The following CHAF1A variants were observed in gnomAD, a reference collection of about 807,000 sequenced individuals.
CHAF1A encodes the protein CAF-1 subunit A.
CHAF1A carries 5 observed loss-of-function variants against 93.2 expected under a neutral mutation model. The ratio of observed to expected loss-of-function variants is 0.05; its 90% CI spans 0.03 to 0.11. CHAF1A has a LOEUF of 0.11. CHAF1A is among the 10% of genes least tolerant of loss of function. CHAF1A has a pLI of 1.00. For missense variants in CHAF1A, 1,102 were observed against 1,259.9 expected, an observed-to-expected ratio of 0.87 and a Z score of 1.90; for synonymous variants, 504 against 510.3, an observed-to-expected ratio of 0.99 and a Z score of 0.17.
chr19:4,446,392 C>T (rs775376246), downstream of CHAF1A: 47 of 1,578,274 alleles, frequency 3.0e-5, no homozygotes, highest in Middle Eastern at 1.7e-4. Flanking sequence ...GCAGCACGCT[C>T]AGCCGCTCCA....
rs572204544 is a variant in CHAF1A at position 4,412,372 on chromosome 19, G to A, written c.960+2613G>A. On this transcript the variant is annotated intron_variant, in intron 3 of 14. Transcript: ENST00000301280. ...AGGCTGACCATTATGGAGAAACCCC[G>A]TCTCTACTAAAAATACAGAAAATTA... 3.3e-5 allele frequency among the ~76,000 whole-genome samples: 5 copies of A among 152,264 alleles called. No individual in the cohort carries two copies. The East Asian group carries it at 5.8e-4, about 18-fold the overall frequency.
chr19:4,413,069 T>G (rs764810448), intron 3 of CHAF1A, among the ~76,000 whole-genome samples: 1 of 151,202 alleles, frequency 6.6e-6, no homozygotes, highest in Non-Finnish European at 1.5e-5. Flanking sequence ...TACCTAACTC[T>G]TTTTTATTTT....
In CHAF1A at chr19:4,432,215, T is replaced by A. The variant is rs1974197654; in HGVS notation, c.2203+8T>A. On this transcript the variant is annotated splice_region_variant and intron_variant, in intron 12 of 14. Transcript: ENST00000301280. ...AGAGGAGAGACGAGCAGAGTGAGTG[T>A]GGGCGGGGCCAGGCCACCCACCTGT... 1 of 1,594,104 alleles carries A rather than the reference T, an allele frequency of 6.3e-7. No individual in the cohort carries two copies. The highest frequency in any genetic ancestry group is 1.3e-5 in the African/African-American group (1 of 74,586).
At position 4,409,137 on chromosome 19, in the gene CHAF1A, G is replaced by A; in HGVS notation, c.338G>A (p.Ser113Asn). The part of the protein sequence containing the change: ...RNRIETSIGQ[S>N]TVIIDLTEDS... ...AGAATCGAAACCAGTATTGGCCAGA[G>A]CACAGTCATCATTGATTTGACAGAG... The change falls in exon 3 of 15, where the codon AGC (serine) becomes AAC (asparagine). Residue 113 changes from serine to asparagine, a missense_variant. Around this residue, in one of 6 missense-constraint regions of CHAF1A, gnomAD observed 379 missense variants for 365.7 expected, o/e 1.04. Transcript: ENST00000301280. The A allele has an allele frequency of 6.2e-7, 1 of 1,614,180 alleles. No individual in the cohort carries two copies. Among genetic ancestry groups the A allele is most frequent in the Non-Finnish European group, 8.5e-7 (1 of 1,180,042 alleles).
At chr19:4,441,935 G>C (rs776183143) in intron 13 of CHAF1A, among the ~76,000 whole-genome samples, 1 of 152,234 alleles carries the variant, frequency 6.6e-6, no homozygotes, top group Admixed American at 6.5e-5. Flanking sequence ...GTTGTAATCT[G>C]ATGGGGCCAC....
intron 8 of CHAF1A, 110 bp from the exon 9 acceptor site, chr19:4,429,328 A>G: frequency 7.9e-7 from 1 of 1,262,448 alleles, no homozygotes; most frequent in Non-Finnish European, 1.1e-6. Context: ...TTTTTAACAA[A>G]TGCCCATCTT....
At chr19:4,439,421 G>T (rs1157950222) in intron 13 of CHAF1A, among the ~76,000 whole-genome samples, 1 of 152,220 alleles carries the variant, frequency 6.6e-6, no homozygotes, top group Non-Finnish European at 1.5e-5. Flanking sequence ...CAGTGCTGCT[G>T]GCGAGATGAC....
chr19:4,443,412 C>T, downstream of CHAF1A: 1 of 208,588 alleles, frequency 4.8e-6, no homozygotes, highest in East Asian at 1.5e-4. Flanking sequence ...CTCTGTCTGT[C>T]TTTTCCGAAA....
chr19:4,443,487 G>T, downstream of CHAF1A: 1 of 184,612 alleles, frequency 5.4e-6, no homozygotes, highest in Non-Finnish European at 1.1e-5. Context: ...CTGGTGTCTG[G>T]GGCCAGCCTT....
intron 4 of CHAF1A, among the ~76,000 whole-genome samples, chr19:4,418,459 A>G (rs186107299): frequency 8.3e-5 from 11 of 131,900 alleles, no homozygotes; most frequent in Admixed American, 7.7e-4. Flanking sequence ...TCTGCCACCC[A>G]GGCTGGGGTG....
At chr19:4,417,574 C>T (rs1440291336) in intron 3 of CHAF1A, among the ~76,000 whole-genome samples, 1 of 151,360 alleles carries the variant, frequency 6.6e-6, no homozygotes, top group Admixed American at 6.6e-5. Flanking sequence ...GATTCTTCTG[C>T]CTCAGCCTCC....
chr19:4,445,756 AC>A, downstream of CHAF1A: 1 of 1,415,714 alleles, frequency 7.1e-7, no homozygotes, highest in South Asian at 1.4e-5. Context: ...TGTGGCTCGC[AC>A]CCAGGCCTCC....
At chr19:4,438,460 A>G (rs187297769) in intron 13 of CHAF1A, among the ~76,000 whole-genome samples, 18 of 151,734 alleles carry the variant, frequency 1.2e-4, no homozygotes, top group East Asian at 9.8e-4. Flanking sequence ...CGGCCTCCCA[A>G]AGTACTGGGA....
chr19:4,428,602 G>A (rs573930293), intron 7 of CHAF1A, 62 bp from the exon 8 acceptor site: 102 of 1,406,266 alleles, frequency 7.3e-5, no homozygotes, highest in East Asian at 3.4e-4. Context: ...TGCTGTGTGC[G>A]TCCATGGTGC....
chr19:4,412,551 A>C (rs1221246091), intron 3 of CHAF1A, among the ~76,000 whole-genome samples: 6 of 152,162 alleles, frequency 3.9e-5, no homozygotes, highest in African/African-American at 1.2e-4. Context: ...TCTCAAGAAA[A>C]AAAAAAAGGA....
chr19:4,429,868 C>G, intron 10 of CHAF1A, 80 bp downstream of exon 10: 1 of 1,271,650 alleles, frequency 7.9e-7, no homozygotes, highest in Non-Finnish European at 1.1e-6. Flanking sequence ...GCTAAGGATG[C>G]AGCCCAGCTG....
At chr19:4,419,922 A>G (rs949368451) in intron 4 of CHAF1A, among the ~76,000 whole-genome samples, 1 of 152,048 alleles carries the variant, frequency 6.6e-6, no homozygotes, top group Non-Finnish European at 1.5e-5. Flanking sequence ...GAGACTCTTC[A>G]CCCAGTTATG....
rs764331314 is a variant in CHAF1A, at chr19:4,409,407, C to T, written c.608C>T (p.Ser203Leu). ...AGRRGDSQEC[S>L]PRSCPELTSG... is the part of the protein sequence containing the mutation. ...AGGAGAGGCGACTCCCAGGAATGTT[C>T]GCCACGGAGCTGCCCGGAGCTGACG... The change falls in exon 3 of 15, where the codon TCG becomes TTG. Residue 203 changes from serine to leucine, a missense_variant. Around this residue, in one of 6 missense-constraint regions of CHAF1A, gnomAD observed 379 missense variants for 365.7 expected, o/e 1.04. Transcript: ENST00000301280. The T allele has an allele frequency of 2.8e-5, 45 of 1,614,068 alleles. No individual in the cohort carries two copies. The East Asian group carries it at 6.7e-4, about 24-fold the overall frequency.
In CHAF1A at chr19:4,432,083, C is replaced by T; in HGVS notation, c.2079C>T (p.Asp693=). 6.2e-7 allele frequency: 1 copy of T among 1,614,050 alleles called. No homozygotes were observed. The highest frequency in any genetic ancestry group is 1.1e-5 in the South Asian group (1 of 91,074). ...PVKIGCVWAA[D]RDCAGDDLKV... is the part of the protein sequence containing the mutation. ...AGATCGGCTGCGTGTGGGCGGCTGA[C>T]AGAGACTGCGCAGGCGATGACCTGA... The change falls in exon 12 of 15, where the codon GAC becomes GAT. Residue 693 remains aspartate (D), a synonymous_variant. Transcript: ENST00000301280.
Sources: gnomAD v4.1 joint callset for allele counts (sites outside exome capture counted in the v4.1 genomes callset) on GRCh38, gnomAD v4.1.1 for gene constraint, gnomAD v4.1.1 regional missense constraint, MANE v1.5 for transcripts, NCBI Gene and HGNC (gene_info 2026-07-23, HGNC 2026-07-21) for gene names.